Variants in XKR5 observed in about 807,000 individuals in gnomAD.
The protein encoded by XKR5 is XK related 5.
A neutral mutation model predicts 40.8 loss-of-function variants in XKR5; 46 were observed. The observed-to-expected ratio is 1.13, with a 90% CI of 0.89 to 1.44. The LOEUF (loss-of-function observed/expected upper bound fraction) is 1.44, where lower values mean the gene tolerates loss of function less well. Ranked by LOEUF, XKR5 falls within the 40% of genes most tolerant of loss-of-function variation. The probability of loss-of-function intolerance (pLI) is 0.00; values close to 1 mark genes in which losing one functional copy is unlikely to be tolerated. For synonymous variants in XKR5, 466 were observed against 356.1 expected, an observed-to-expected ratio of 1.31 and a Z score of -3.48; for missense variants, 1,169 against 844.7, an observed-to-expected ratio of 1.38 and a Z score of -4.76.
intron 3 of XKR5, 76 bp from the exon 4 acceptor site, chr8:6,823,806 G>A (rs750599015): frequency 4.9e-5 from 63 of 1,288,512 alleles, no homozygotes; most frequent in Non-Finnish European, 6.3e-5. Context: ...TTCACTCATG[G>A]CATTTCTTTA....
rs1191076323 is a variant in XKR5, at chr8:6,821,853, G to T, written c.807+16C>A. The T allele has an allele frequency of 6.2e-7, 1 of 1,610,592 alleles. No individual in the cohort carries two copies. Among genetic ancestry groups the T allele is most frequent in the Non-Finnish European group, 8.5e-7 (1 of 1,178,214 alleles). ...TATACACTGTAAAAGTTAGGATAAA[G>T]AAAAGTGCCACTTGCCATGTAGAAC... On this transcript the variant is annotated intron_variant, in intron 5 of 6. Coordinates refer to ENST00000618742, the MANE Select transcript of XKR5 (RefSeq NM_207411.5).
At chr8:6,822,074 G>T in intron 4 of XKR5, 36 bp from the exon 5 acceptor site, 15 of 1,567,214 alleles carry the variant, frequency 9.6e-6, no homozygotes, top group Non-Finnish European at 1.3e-5. Flanking sequence ...CAGGGTCCAT[G>T]CAAGGAGATG....
chr8:6,818,113 G>A (rs1587167384), intron 5 of XKR5, among the ~76,000 whole-genome samples: 1 of 152,228 alleles, frequency 6.6e-6, no homozygotes, highest in African/African-American at 2.4e-5. Context: ...TACACTCAGT[G>A]CAATCTGTTT....
At chr8:6,819,254 G>C (rs536743584) in intron 5 of XKR5, among the ~76,000 whole-genome samples, 2 of 152,202 alleles carry the variant, frequency 1.3e-5, no homozygotes, top group Admixed American at 6.5e-5. Flanking sequence ...CCTCTTTCCT[G>C]TGTGAGCTGC....
chr8:6,817,455 C>G (rs1000809643), intron 5 of XKR5, among the ~76,000 whole-genome samples: 1 of 152,044 alleles, frequency 6.6e-6, no homozygotes, highest in East Asian at 1.9e-4. Context: ...AGTCTTCAAC[C>G]CTGGCCAACG....
chr8:6,833,089 G>A (rs1289125904), intron 1 of XKR5, among the ~76,000 whole-genome samples, 189 bp from the exon 2 acceptor site: 1 of 152,208 alleles, frequency 6.6e-6, no homozygotes. Context: ...CCAGCCAGGA[G>A]CTTGCCTTTG....
intron 5 of XKR5, among the ~76,000 whole-genome samples, chr8:6,819,943 T>G (rs1395308862): frequency 8.6e-5 from 13 of 151,998 alleles, no homozygotes; most frequent in Non-Finnish European, 1.3e-4. Context: ...TTTCATTTAT[T>G]GTAAATTATT....
intron 6 of XKR5, among the ~76,000 whole-genome samples, chr8:6,813,996 A>G (rs1435140703): frequency 6.6e-6 from 1 of 152,236 alleles, no homozygotes; most frequent in Non-Finnish European, 1.5e-5. Context: ...TGGAAAATCC[A>G]GATGAGTTGT....
At chr8:6,819,169 G>A (rs2738076) in intron 5 of XKR5, among the ~76,000 whole-genome samples, 8 of 152,228 alleles carry the variant, frequency 5.3e-5, no homozygotes, top group South Asian at 2.1e-4. Context: ...CCTGGGCTAC[G>A]CTGCCCAAGT....
rs1298701201 is a variant in XKR5 at position 6,812,300 on chromosome 8, G to C, written c.959C>G (p.Pro320Arg). 5 of 1,553,074 alleles carry C rather than the reference G, an allele frequency of 3.2e-6. No homozygotes were observed. The highest frequency in any genetic ancestry group is 3.5e-6 in the Non-Finnish European group (4 of 1,147,454). Residue 320 changes from proline to arginine, a missense_variant, in exon 7 of 7, where the codon CCA becomes CGA. Transcript: ENST00000618742. ...SLVIYYSLLH[P>R]KSTDIWQGCL... Reference sequence around the variant, plus strand: ...GCCCTGCCAGATGTCTGTGGATTTTGGATGCAGCAGGCTGTAATAAATTAC... The same window carrying C: ...GCCCTGCCAGATGTCTGTGGATTTTCGATGCAGCAGGCTGTAATAAATTAC...
intron 2 of XKR5, among the ~76,000 whole-genome samples, chr8:6,825,563 C>T (rs1804426979): frequency 6.6e-6 from 1 of 151,586 alleles, no homozygotes; most frequent in African/African-American, 2.4e-5. Flanking sequence ...CTCAGCCAGG[C>T]CACACTCTCC....
rs1402444228 is a variant in XKR5, at chr8:6,825,243, C to T, written c.349G>A (p.Ala117Thr). The T allele has an allele frequency of 6.2e-7, 1 of 1,612,816 alleles. No homozygotes were observed. The highest frequency in any genetic ancestry group is 8.5e-7 in the Non-Finnish European group (1 of 1,179,498). Reference sequence around the variant, plus strand: ...AGGTGGGGCCCAGTCTGCAGCAGGGCCTCCAAGAGTCGAAGGGCCGACAGG... The same window carrying T: ...AGGTGGGGCCCAGTCTGCAGCAGGGTCTCCAAGAGTCGAAGGGCCGACAGG... ...ADLSALRLLEALLQTGPHLLL... is the reference protein window; with the variant it reads ...ADLSALRLLETLLQTGPHLLL... The change falls in exon 3 of 7, where the codon GCC (alanine) becomes ACC (threonine). Residue 117 changes from alanine (A) to threonine (T), a missense_variant. Ala to Thr is a moderately conservative substitution (Grantham distance 58). Coordinates refer to ENST00000618742, the MANE Select transcript of XKR5 (RefSeq NM_207411.5).
At chr8:6,813,806 T>A (rs1587155748) in intron 6 of XKR5, among the ~76,000 whole-genome samples, 1 of 152,160 alleles carries the variant, frequency 6.6e-6, no homozygotes, top group African/African-American at 2.4e-5. Context: ...GCTGTGAAAA[T>A]GTCTTCTCAC....
At position 6,822,021 on chromosome 8, in the gene XKR5, T is replaced by C; in HGVS notation, c.655A>G (p.Met219Val). ...TGCTGGGCGACAAGCCAGAATGTCA[T>C]CACCAGCCAGTGGGCACCTGCAGAG... ...FVVAGAHWLVMTFWLVAQQSD... is the reference protein window; with the variant it reads ...FVVAGAHWLVVTFWLVAQQSD... Residue 219 changes from methionine to valine, a missense_variant, in exon 5 of 7, where the codon ATG becomes GTG. Met to Val is a conservative substitution (Grantham distance 21, BLOSUM62 1). Coordinates refer to ENST00000618742, the MANE Select transcript of XKR5 (RefSeq NM_207411.5). 2 of 1,605,038 alleles carry C rather than the reference T, an allele frequency of 1.2e-6. No homozygotes were observed. Among genetic ancestry groups the C allele is most frequent in the East Asian group, 4.5e-5 (2 of 44,550 alleles).
chr8:6,829,497 C>G (rs1378134726), intron 2 of XKR5, among the ~76,000 whole-genome samples: 1 of 152,114 alleles, frequency 6.6e-6, no homozygotes, highest in East Asian at 1.9e-4. Context: ...ACACTTATGG[C>G]TTAAATCCTT....
chr8:6,826,521 G>A (rs946475228), intron 2 of XKR5, among the ~76,000 whole-genome samples: 1 of 152,100 alleles, frequency 6.6e-6, no homozygotes, highest in African/African-American at 2.4e-5. Flanking sequence ...GGAGATGAGG[G>A]AAGTTGCAGT....
Position 6,811,369 on chromosome 8 carries a change from C to T in XKR5, c.1890G>A (p.Leu630=). Residue 630 remains leucine, a synonymous_variant, in exon 7 of 7, where the codon CTG becomes CTA. Coordinates refer to ENST00000618742, the MANE Select transcript of XKR5 (RefSeq NM_207411.5). Reference sequence around the variant, plus strand: ...GGTGACTTAGCTCCCTTTTGGGCTCCAGCGGCTCCTCTAGCTCTGAGATAC... The same window carrying T: ...GGTGACTTAGCTCCCTTTTGGGCTCTAGCGGCTCCTCTAGCTCTGAGATAC... ...TLSISELEEP[L]EPKRELSHHA... is the part of the protein sequence containing the mutation. 1.3e-6 allele frequency: 2 copies of T among 1,537,404 alleles called. No homozygotes were observed. Among genetic ancestry groups the T allele is most frequent in the Non-Finnish European group, 1.7e-6 (2 of 1,146,944 alleles).
rs917546450 is a variant in XKR5, at chr8:6,810,010, G to C, written c.*1188C>G. 6.6e-6 allele frequency: 1 copy of C among 152,282 alleles called. No individual in the cohort carries two copies. The highest frequency in any genetic ancestry group is 1.5e-5 in the Non-Finnish European group (1 of 68,106). The allele number at this position is 152,282 out of a possible 1,614,324, so 9.4% of individuals were successfully genotyped here. ...TGCCAGTAGTCCCAGCTACTCGAGA[G>C]GCTGAGGTGAGAGGATTGCTTAAGC... On this transcript the variant is annotated 3_prime_UTR_variant, in exon 7 of 7. Coordinates refer to ENST00000618742, the MANE Select transcript of XKR5 (RefSeq NM_207411.5).
At chr8:6,822,267 T>C (rs980221901) in intron 4 of XKR5, among the ~76,000 whole-genome samples, 4 of 152,248 alleles carry the variant, frequency 2.6e-5, no homozygotes, top group Non-Finnish European at 4.4e-5. Flanking sequence ...CTAATTTGAA[T>C]ATGACACAAG....
Sources: gnomAD v4.1 joint callset for allele counts (sites outside exome capture counted in the v4.1 genomes callset) on GRCh38, gnomAD v4.1.1 for gene constraint, MANE v1.5 for transcripts, NCBI Gene and HGNC (gene_info 2026-07-23, HGNC 2026-07-21) for gene names.